COL24A1: variants seen among roughly 807,000 people sequenced by gnomAD.
COL24A1 encodes collagen type XXIV alpha 1 chain, also known as collagen alpha-1(XXIV) chain.
Under a neutral mutation model 253.9 loss-of-function variants are expected in COL24A1, and 224 were observed. The observed-to-expected ratio is 0.88, with a 90% confidence interval of 0.79 to 0.99. COL24A1 has a LOEUF of 0.99. Ranked by LOEUF, COL24A1 falls within the 50% of genes least tolerant of loss-of-function variation. COL24A1 has a pLI of 0.00. For synonymous variants in COL24A1, 685 were observed against 673.7 expected, an observed-to-expected ratio of 1.02 and a Z score of -0.26; for missense variants, 2,131 against 2,068.5, an observed-to-expected ratio of 1.03 and a Z score of -0.59.
chr1:85,825,369 C>T (rs955595529), intron 43 of COL24A1, among the ~76,000 whole-genome samples: 24 of 152,012 alleles, frequency 1.6e-4, no homozygotes, highest in East Asian at 1.9e-4. Flanking sequence ...TTGTGAATAA[C>T]GCCGCAATAA....
chr1:85,955,601 G>A (rs1690373520), intron 24 of COL24A1, among the ~76,000 whole-genome samples: 1 of 152,206 alleles, frequency 6.6e-6, no homozygotes, highest in African/African-American at 2.4e-5. Context: ...CTTCCCCTAG[G>A]GGTTTGACAG....
Position 85,970,275 on chromosome 1 carries a change from A to C in COL24A1, c.2419-4T>G. 1 of 322,370 alleles carries C rather than the reference A, an allele frequency of 3.1e-6. No homozygotes were observed. The allele number at this position is 322,370 out of a possible 1,614,324, so 20.0% of individuals were successfully genotyped here. A position where few individuals can be genotyped will look rare whatever the true frequency, so the allele number is the denominator to read the frequency against. On this transcript the variant is annotated splice_region_variant and splice_polypyrimidine_tract_variant and intron_variant, in intron 21 of 59. Transcript: ENST00000370571. The stretch of plus-strand genomic sequence containing the variant: ...CTCCAATTGGTCCTTCTTCTCCCTT[A>C]AAAAAAAAAAAAGTCAGAACATATT...
intron 17 of COL24A1, 54 bp from the exon 18 acceptor site, chr1:86,022,347 T>C (rs541847871): frequency 2.7e-6 from 4 of 1,505,072 alleles, no homozygotes; most frequent in Admixed American, 1.7e-5. Flanking sequence ...AAGGCAGACA[T>C]ACCACTATTT....
At chr1:85,962,415 A>T (rs1021090537) in intron 23 of COL24A1, among the ~76,000 whole-genome samples, 4 of 152,202 alleles carry the variant, frequency 2.6e-5, no homozygotes, top group Non-Finnish European at 5.9e-5. Context: ...GATTTATTCC[A>T]ATTAATCTAA....
At chr1:85,923,822 G>T (rs1474604116) in intron 24 of COL24A1, among the ~76,000 whole-genome samples, 2 of 152,102 alleles carry the variant, frequency 1.3e-5, no homozygotes, top group African/African-American at 4.8e-5. Context: ...ACTAATATCA[G>T]AGCAGAACTG....
chr1:85,882,588 C>T (rs1681989667), intron 32 of COL24A1, among the ~76,000 whole-genome samples: 1 of 101,910 alleles, frequency 9.8e-6, no homozygotes, highest in African/African-American at 3.3e-5. Context: ...GTGCATTCTA[C>T]TGTTGTTGGA....
chr1:85,874,327 G>A (rs1253260775), intron 35 of COL24A1, among the ~76,000 whole-genome samples: 6 of 152,112 alleles, frequency 3.9e-5, no homozygotes, highest in African/African-American at 1.2e-4. Context: ...TATTCTGAGA[G>A]TTGTTCACTG....
intron 37 of COL24A1, among the ~76,000 whole-genome samples, chr1:85,854,831 GT>G: frequency 6.6e-6 from 1 of 152,114 alleles, no homozygotes; most frequent in African/African-American, 2.4e-5. Context: ...AGCCTCCTGA[GT>G]AGCTGGGACT....
intron 55 of COL24A1, among the ~76,000 whole-genome samples, chr1:85,754,475 C>G (rs528423279): frequency 2.2e-5 from 2 of 89,756 alleles, no homozygotes; most frequent in East Asian, 7.0e-4. Flanking sequence ...CAGCATGGCA[C>G]ATGTATACAT....
chr1:86,103,198 C>T (rs1704630727), intron 5 of COL24A1, among the ~76,000 whole-genome samples: 1 of 152,076 alleles, frequency 6.6e-6, no homozygotes, highest in Admixed American at 6.6e-5. Flanking sequence ...ATTGGGATTG[C>T]AACCCATGCT....
intron 19 of COL24A1, among the ~76,000 whole-genome samples, chr1:85,999,404 A>G (rs569998585): frequency 6.6e-6 from 1 of 152,182 alleles, no homozygotes; most frequent in East Asian, 1.9e-4. Flanking sequence ...GTGGGCAGAT[A>G]GGCAGATAGC....
intron 24 of COL24A1, among the ~76,000 whole-genome samples, chr1:85,939,171 T>A (rs1425827710): frequency 1.3e-5 from 2 of 152,084 alleles, no homozygotes; most frequent in Non-Finnish European, 2.9e-5. Flanking sequence ...ATAAAACGTA[T>A]CTACCGTAAA....
intron 22 of COL24A1, 150 bp downstream of exon 22, chr1:85,970,077 G>T: frequency 1.6e-6 from 1 of 617,146 alleles, no homozygotes; most frequent in Non-Finnish European, 2.7e-6. Flanking sequence ...TCCAGTTATT[G>T]GCCTATTTTA....
chr1:85,779,812 T>C (rs1668971376), intron 52 of COL24A1, among the ~76,000 whole-genome samples: 1 of 152,178 alleles, frequency 6.6e-6, no homozygotes, highest in South Asian at 2.1e-4. Flanking sequence ...GTATTTTTTT[T>C]CCCAATGCTT....
chr1:85,902,356 C>A (rs756963642), intron 28 of COL24A1, among the ~76,000 whole-genome samples: 2 of 152,186 alleles, frequency 1.3e-5, no homozygotes, highest in East Asian at 3.9e-4. Context: ...TGAAGTAACT[C>A]ATATCTTCCA....
chr1:85,756,699 G>T (rs1373109035), intron 55 of COL24A1, among the ~76,000 whole-genome samples: 2 of 151,744 alleles, frequency 1.3e-5, no homozygotes, highest in African/African-American at 2.4e-5. Context: ...TGATACAACA[G>T]TTTCATTTCT....
rs1437637809 is a variant in COL24A1 at position 85,838,613 on chromosome 1, C to G, written c.3653G>C (p.Arg1218Thr). 2 of 1,613,950 alleles carry G rather than the reference C, an allele frequency of 1.2e-6. No homozygotes were observed. Among genetic ancestry groups the G allele is most frequent in the African/African-American group, 1.3e-5 (1 of 75,060 alleles). ...ATATCCCTCTGCTCCAGGCTCTCCT[C>G]TCTCTCCTTGGTCCCCCACTGGACC... ...EPGPVGDQGE[R>T]GEPGAEGYKG... The change falls in exon 43 of 60, where the codon AGA becomes ACA. Residue 1218 changes from arginine (R) to threonine (T), a missense_variant. By Grantham distance (71) the Arg-to-Thr change is moderately conservative. Coordinates refer to ENST00000370571, the MANE Select transcript of COL24A1 (RefSeq NM_152890.7).
intron 43 of COL24A1, among the ~76,000 whole-genome samples, chr1:85,833,961 T>A (rs1675683192): frequency 1.1e-5 from 1 of 94,324 alleles, no homozygotes; most frequent in Non-Finnish European, 1.9e-5. Context: ...CTCTGGGGAC[T>A]GTTGTGGGGT....
At position 85,921,286 on chromosome 1, in the gene COL24A1, T is replaced by G. The variant is rs374973217; in HGVS notation, c.2563-9853A>C. 6.6e-4 allele frequency among the ~76,000 whole-genome samples: 101 copies of G among 152,366 alleles called. 1 individual carries two copies. In the South Asian group the frequency reaches 0.02, roughly 30 times the overall value. On this transcript the variant is annotated intron_variant, in intron 24 of 59. Transcript: ENST00000370571. ...AATGGCACACCAGGAGATTATATCC[T>G]GTGCCTGGCTTGGCAGGTCCCATGC...
Sources: allele counts gnomAD v4.1 joint callset (sites outside exome capture counted in the v4.1 genomes callset), GRCh38; gene constraint gnomAD v4.1.1; transcripts MANE v1.5; gene names NCBI Gene and HGNC (gene_info 2026-07-23, HGNC 2026-07-21).